ADGRL3: variants seen among roughly 807,000 people sequenced by gnomAD.
The protein encoded by ADGRL3 is adhesion G protein-coupled receptor L3.
Under a neutral mutation model 153.5 loss-of-function variants are expected in ADGRL3, and 62 were observed. The ratio of observed to expected loss-of-function variants is 0.40; its 90% CI spans 0.33 to 0.50. The LOEUF (loss-of-function observed/expected upper bound fraction) is 0.50, where lower values mean the gene tolerates loss of function less well. ADGRL3 is among the 20% of genes least tolerant of loss of function. The pLI, the probability that ADGRL3 is intolerant of heterozygous loss-of-function variation, is 0.47. For missense variants in ADGRL3, 1,641 were observed against 1,859.4 expected, an observed-to-expected ratio of 0.88 and a Z score of 2.16; for synonymous variants, 710 against 672.5, an observed-to-expected ratio of 1.06 and a Z score of -0.86.
At position 61,747,517 on chromosome 4, in the gene ADGRL3, G is replaced by A. The variant is rs537595302; in HGVS notation, c.1399+13963G>A. 4.7e-3 allele frequency among the ~76,000 whole-genome samples: 690 copies of A among 146,402 alleles called. 10 individuals are homozygous for A. Among genetic ancestry groups the A allele is most frequent in the African/African-American group, 0.016 (631 of 38,556 alleles). Reference sequence around the variant, plus strand: ...CAAAAAGCTTATCCACCATGATCAAGTGGGCTTCATCCCTGGGATGCAAGG... The same window carrying A: ...CAAAAAGCTTATCCACCATGATCAAATGGGCTTCATCCCTGGGATGCAAGG... On this transcript the variant is annotated intron_variant, in intron 8 of 26. Transcript: ENST00000683033.
At position 61,501,973 on chromosome 4, in the gene ADGRL3, T is replaced by A. The variant is rs74698653; in HGVS notation, c.55+4625T>A. Among the ~76,000 whole-genome samples, 51 of 152,300 alleles carry A rather than the reference T, an allele frequency of 3.3e-4. No homozygotes were observed. The East Asian group carries it at 9.9e-3, about 29-fold the overall frequency. On this transcript the variant is annotated intron_variant, in intron 3 of 26. Coordinates refer to ENST00000683033, the MANE Select transcript of ADGRL3 (RefSeq NM_001387552.1). ...TTCCTGTAGAGCCATAATATCCTTA[T>A]CTATAATGCAATGAGACCTGGCAGA... is the stretch of plus-strand genomic sequence containing the variant.
At chr4:61,515,506 G>A (rs2152893003) in intron 3 of ADGRL3, among the ~76,000 whole-genome samples, 1 of 152,106 alleles carries the variant, frequency 6.6e-6, no homozygotes, top group Admixed American at 6.5e-5. Flanking sequence ...CATTAAAGTA[G>A]CTTTGTGGTC....
At chr4:62,023,894 A>T in intron 21 of ADGRL3, among the ~76,000 whole-genome samples, 1 of 143,314 alleles carries the variant, frequency 7.0e-6, no homozygotes, top group South Asian at 2.6e-4. Context: ...GTATGCCTGC[A>T]TCTTATTTGC....
intron 15 of ADGRL3, among the ~76,000 whole-genome samples, chr4:61,938,217 A>T (rs142040163): frequency 9.8e-4 from 149 of 152,308 alleles, no homozygotes; most frequent in African/African-American, 3.5e-3. Flanking sequence ...AGCCAATTAT[A>T]AACCAATTAA....
rs146464874 is a variant in ADGRL3, at chr4:61,351,300, A to T, written c.-239-31824A>T. Among the ~76,000 whole-genome samples the T allele has an allele frequency of 5.2e-4, 79 of 152,330 alleles. No individual in the cohort carries two copies. In the East Asian group the frequency reaches 0.012, roughly 23 times the overall value. On this transcript the variant is annotated intron_variant, in intron 1 of 26. Transcript: ENST00000683033. The stretch of plus-strand genomic sequence containing the variant: ...GTTTGAAACTAGCAGATAATGGTTC[A>T]TGTGGTTTAAGGAAAGAAGCCATCT...
chr4:61,472,731 A>G (rs2097976882), intron 2 of ADGRL3, among the ~76,000 whole-genome samples: 1 of 152,016 alleles, frequency 6.6e-6, no homozygotes, highest in African/African-American at 2.4e-5. Context: ...TAATAGAAAG[A>G]TCTATTTCAA....
chr4:61,660,563 G>T (rs1497921), intron 5 of ADGRL3, among the ~76,000 whole-genome samples: 55,606 of 151,902 alleles, frequency 0.37, 11,686 homozygotes, highest in Non-Finnish European at 0.49. Context: ...TGGTTTTAAA[G>T]TACAGGCCAA....
intron 1 of ADGRL3, among the ~76,000 whole-genome samples, chr4:61,371,415 G>A (rs1453471374): frequency 6.6e-6 from 1 of 151,832 alleles, no homozygotes; most frequent in Non-Finnish European, 1.5e-5. Flanking sequence ...AGCTCTTTTA[G>A]GGCAGGCCTG....
At chr4:61,272,006 A>G (rs1418125546) in intron 1 of ADGRL3, among the ~76,000 whole-genome samples, 1 of 152,064 alleles carries the variant, frequency 6.6e-6, no homozygotes, top group Non-Finnish European at 1.5e-5. Context: ...AGATGAAAAT[A>G]CATTGTTTTT....
At chr4:61,362,635 A>G (rs1396660997) in intron 1 of ADGRL3, among the ~76,000 whole-genome samples, 1 of 152,164 alleles carries the variant, frequency 6.6e-6, no homozygotes, top group Non-Finnish European at 1.5e-5. Context: ...TAATAAATGT[A>G]CTGATTATTA....
At chr4:61,462,607 T>G (rs2097835819) in intron 2 of ADGRL3, among the ~76,000 whole-genome samples, 1 of 152,134 alleles carries the variant, frequency 6.6e-6, no homozygotes, top group African/African-American at 2.4e-5. Flanking sequence ...TACTTTCCCT[T>G]AATAAATTAT....
intron 6 of ADGRL3, among the ~76,000 whole-genome samples, chr4:61,715,062 G>T (rs539112475): frequency 9.2e-5 from 14 of 152,142 alleles, no homozygotes; most frequent in Non-Finnish European, 2.1e-4. Context: ...TGATTTGGTA[G>T]AATGTTAATT....
At chr4:61,819,022 A>G (rs2097720610) in intron 9 of ADGRL3, among the ~76,000 whole-genome samples, 2 of 152,198 alleles carry the variant, frequency 1.3e-5, no homozygotes, top group Admixed American at 1.3e-4. Flanking sequence ...GTATAATAAT[A>G]TCATTAGCTT....
chr4:61,640,315 C>T (rs1398529334), intron 5 of ADGRL3, among the ~76,000 whole-genome samples: 2 of 152,136 alleles, frequency 1.3e-5, no homozygotes, highest in Non-Finnish European at 2.9e-5. Flanking sequence ...CAGAACAGAT[C>T]GTTCTCCCTC....
chr4:61,876,603 T>C (rs543414464), intron 9 of ADGRL3, among the ~76,000 whole-genome samples: 1 of 152,140 alleles, frequency 6.6e-6, no homozygotes, highest in East Asian at 1.9e-4. Flanking sequence ...CAATTAGTGA[T>C]ATAATTAAGT....
chr4:61,531,362 T>C (rs183468567), intron 4 of ADGRL3, among the ~76,000 whole-genome samples: 41 of 152,288 alleles, frequency 2.7e-4, no homozygotes, highest in Non-Finnish European at 4.7e-4. Context: ...TGTTTGCTTC[T>C]GGGCTTTGTA....
At chr4:61,929,598 A>G (rs2098808878) in intron 13 of ADGRL3, among the ~76,000 whole-genome samples, 1 of 152,218 alleles carries the variant, frequency 6.6e-6, no homozygotes, top group Non-Finnish European at 1.5e-5. Context: ...CAAATCCCTC[A>G]GCCAAGAGTT....
chr4:61,864,805 A>T (rs1193308429), intron 9 of ADGRL3, among the ~76,000 whole-genome samples: 1 of 152,222 alleles, frequency 6.6e-6, no homozygotes, highest in African/African-American at 2.4e-5. Flanking sequence ...GAGTTCTCTG[A>T]ATAGAGCCCC....
At chr4:61,746,626 G>A (rs940811239) in intron 8 of ADGRL3, among the ~76,000 whole-genome samples, 7 of 152,258 alleles carry the variant, frequency 4.6e-5, no homozygotes, top group Non-Finnish European at 7.3e-5. Context: ...ATAACGAAAT[G>A]AAGGCAGAAA....
Sources: allele counts gnomAD v4.1 joint callset (sites outside exome capture counted in the v4.1 genomes callset), GRCh38; gene constraint gnomAD v4.1.1; transcripts MANE v1.5; gene names NCBI Gene and HGNC (gene_info 2026-07-23, HGNC 2026-07-21).